Variants in SLIT3 observed in about 807,000 individuals in gnomAD.
SLIT3 encodes slit guidance ligand 3.
In SLIT3, 68 loss-of-function variants were observed where a neutral mutation model predicts 184.0. The ratio of observed to expected loss-of-function variants is 0.37; its 90% CI spans 0.30 to 0.45. The LOEUF (loss-of-function observed/expected upper bound fraction) is 0.45. SLIT3 is among the 20% of genes least tolerant of loss of function. The probability of loss-of-function intolerance (pLI) is 1.00; values close to 1 mark genes in which losing one functional copy is unlikely to be tolerated. For missense variants in SLIT3, 1,707 were observed against 2,026.0 expected, an observed-to-expected ratio of 0.84 and a Z score of 3.02; for synonymous variants, 831 against 828.6, an observed-to-expected ratio of 1.00 and a Z score of -0.05.
chr5:169,119,274 T>G (rs945782345), intron 4 of SLIT3, among the ~76,000 whole-genome samples: 6 of 152,186 alleles, frequency 3.9e-5, no homozygotes, highest in Non-Finnish European at 5.9e-5. Flanking sequence ...AAAGGAACAA[T>G]TCCCAGCCTG....
intron 20 of SLIT3, among the ~76,000 whole-genome samples, chr5:168,739,934 T>G (rs992972538): frequency 6.6e-6 from 1 of 152,264 alleles, no homozygotes; most frequent in African/African-American, 2.4e-5. Context: ...TTTTGGTTTG[T>G]CTTAAAAATG....
At chr5:169,100,672 A>G (rs1283456768) in intron 4 of SLIT3, among the ~76,000 whole-genome samples, 1 of 152,184 alleles carries the variant, frequency 6.6e-6, no homozygotes, top group Non-Finnish European at 1.5e-5. Flanking sequence ...TCTGCCCCAG[A>G]GCCTCCATAC....
intron 4 of SLIT3, among the ~76,000 whole-genome samples, chr5:169,025,802 T>C (rs911118261): frequency 5.9e-5 from 9 of 152,188 alleles, no homozygotes; most frequent in Admixed American, 3.3e-4. Context: ...AATCTAAAAA[T>C]TGCCTTCACT....
At chr5:169,263,785 T>C (rs971065981) in intron 1 of SLIT3, 1 of 446,072 alleles carries the variant, frequency 2.2e-6, no homozygotes, top group African/African-American at 2.2e-5. Flanking sequence ...TTACCCTCTC[T>C]CTGCACAACT....
At chr5:168,715,805 T>C (rs1206289364) in intron 23 of SLIT3, among the ~76,000 whole-genome samples, 1 of 152,110 alleles carries the variant, frequency 6.6e-6, no homozygotes, top group Non-Finnish European at 1.5e-5. Context: ...CCTGAGTAGC[T>C]GGGATTACAG....
At chr5:169,085,112 A>C (rs1258657431) in intron 4 of SLIT3, among the ~76,000 whole-genome samples, 1 of 152,172 alleles carries the variant, frequency 6.6e-6, no homozygotes, top group Non-Finnish European at 1.5e-5. Context: ...CCAATTCTCT[A>C]TAGACTCCAG....
At chr5:168,728,482 A>G (rs1304237663) in intron 20 of SLIT3, among the ~76,000 whole-genome samples, 1 of 152,174 alleles carries the variant, frequency 6.6e-6, no homozygotes, top group African/African-American at 2.4e-5. Flanking sequence ...ATTCCTTGAA[A>G]TGCCAGGTAA....
chr5:168,751,640 A>C (rs1270614402), intron 18 of SLIT3, among the ~76,000 whole-genome samples: 2 of 152,016 alleles, frequency 1.3e-5, no homozygotes, highest in African/African-American at 4.8e-5. Context: ...ACGACAGCGC[A>C]CTACCCGGGC....
chr5:168,741,672 G>C (rs1225238670), intron 20 of SLIT3, among the ~76,000 whole-genome samples: 3 of 152,092 alleles, frequency 2.0e-5, no homozygotes, highest in Non-Finnish European at 4.4e-5. Flanking sequence ...ATACCTGAGA[G>C]AAGAGCCATG....
intron 4 of SLIT3, among the ~76,000 whole-genome samples, chr5:168,903,721 G>GT (rs1436299610): frequency 6.6e-6 from 1 of 152,076 alleles, no homozygotes; most frequent in East Asian, 1.9e-4. Flanking sequence ...TCTCCTCTCT[G>GT]TTATTGTCCC....
chr5:168,955,951 G>A (rs972324645), intron 4 of SLIT3, among the ~76,000 whole-genome samples: 2 of 152,172 alleles, frequency 1.3e-5, no homozygotes, highest in African/African-American at 4.8e-5. Flanking sequence ...GCTAAAAGAT[G>A]GAGACCAGCC....
At chr5:169,073,641 C>T (rs1758631341) in intron 4 of SLIT3, among the ~76,000 whole-genome samples, 1 of 152,048 alleles carries the variant, frequency 6.6e-6, no homozygotes, top group Non-Finnish European at 1.5e-5. Flanking sequence ...TGTCTTGGTG[C>T]TATTCCCATG....
intron 1 of SLIT3, among the ~76,000 whole-genome samples, chr5:169,276,512 C>T (rs1201493463): frequency 6.6e-6 from 1 of 152,148 alleles, no homozygotes; most frequent in Non-Finnish European, 1.5e-5. Context: ...AGGATATTTC[C>T]TGGTTGGGAT....
chr5:169,123,811 T>A (rs1363466751), intron 4 of SLIT3, among the ~76,000 whole-genome samples: 1 of 152,142 alleles, frequency 6.6e-6, no homozygotes, highest in Non-Finnish European at 1.5e-5. Context: ...ACAGCAAAAG[T>A]CATGGTGACA....
intron 12 of SLIT3, among the ~76,000 whole-genome samples, chr5:168,775,906 A>G (rs1191607858): frequency 1.3e-5 from 2 of 152,342 alleles, no homozygotes; most frequent in African/African-American, 2.4e-5. Context: ...TGGCAAGTCA[A>G]GCACATTGAG....
At position 168,666,662 on chromosome 5, in the gene SLIT3, C is replaced by T. The variant is rs61735416; in HGVS notation, c.4364G>A (p.Arg1455Gln). 6.2e-6 allele frequency: 10 copies of T among 1,614,064 alleles called. No homozygotes were observed. Among genetic ancestry groups the T allele is most frequent in the African/African-American group, 2.7e-5 (2 of 74,924 alleles). The change falls in exon 36 of 36, where the codon CGA becomes CAA. Residue 1455 changes from arginine to glutamine, a missense_variant. This residue lies in a region of SLIT3 where 387 missense variants were observed against 477.9 expected (regional missense o/e 0.81). Transcript: ENST00000519560. ...QENPCLGQVV[R>Q]EVIRRQKGYA... The stretch of plus-strand genomic sequence containing the variant: ...ACCTTTCTGGCGGCGGATCACCTCT[C>T]GGACTACTTGTCCCAGGCACGGATT...
At chr5:169,035,624 G>C (rs756963773) in intron 4 of SLIT3, among the ~76,000 whole-genome samples, 1 of 147,422 alleles carries the variant, frequency 6.8e-6, no homozygotes, top group Non-Finnish European at 1.5e-5. Context: ...ACTCCAGCCT[G>C]GGTGACAGTG....
At chr5:169,165,380 T>C (rs1762604087) in intron 4 of SLIT3, among the ~76,000 whole-genome samples, 2 of 152,232 alleles carry the variant, frequency 1.3e-5, no homozygotes, top group Non-Finnish European at 2.9e-5. Context: ...TCTGCGTATC[T>C]TGAAAATGCT....
chr5:169,101,999 T>C (rs1318974954), intron 4 of SLIT3, among the ~76,000 whole-genome samples: 1 of 152,196 alleles, frequency 6.6e-6, no homozygotes, highest in Non-Finnish European at 1.5e-5. Context: ...TCTAGACTTA[T>C]TTGTCTTTTC....
Sources: allele counts gnomAD v4.1 joint callset (sites outside exome capture counted in the v4.1 genomes callset), GRCh38; gene constraint gnomAD v4.1.1; regional missense constraint gnomAD v4.1.1; transcripts MANE v1.5; gene names NCBI Gene and HGNC (gene_info 2026-07-23, HGNC 2026-07-21).